The following USP3 variants were observed in gnomAD, a reference collection of about 807,000 sequenced individuals.
USP3 encodes the protein ubiquitin carboxyl-terminal hydrolase 3.
USP3 carries 20 observed loss-of-function variants against 72.3 expected under a neutral mutation model. The ratio of observed to expected loss-of-function variants is 0.28; its 90% CI spans 0.19 to 0.40. USP3 has a LOEUF of 0.40. USP3 is among the 10% of genes least tolerant of loss of function. USP3 has a pLI of 1.00. For synonymous variants in USP3, 222 were observed against 225.3 expected (o/e 0.99, Z 0.13); for missense variants, 479 against 633.9 (o/e 0.76, Z 2.62).
At chr15:63,517,594 T>G (rs1173261184) in intron 1 of USP3, among the ~76,000 whole-genome samples, 1 of 152,206 alleles carries the variant, frequency 6.6e-6, no homozygotes, top group Non-Finnish European at 1.5e-5. Flanking sequence ...GTCACCTTCA[T>G]TGGAGGAAGA....
intron 7 of USP3, 40 bp downstream of exon 7, chr15:63,560,010 A>C: frequency 6.4e-7 from 1 of 1,554,940 alleles, no homozygotes; most frequent in Non-Finnish European, 8.8e-7. Flanking sequence ...TTTGAGTTAC[A>C]AAACAAATTA....
Position 63,514,231 on chromosome 15 carries a change from A to G in USP3, c.91+9401A>G, listed in dbSNP as rs190318965. Reference sequence around the variant, plus strand: ...TTTTTTAGAGCCTCATTTAAAAAATATATGTATTTCTAGTTTTTTTCTTCG... The same window carrying G: ...TTTTTTAGAGCCTCATTTAAAAAATGTATGTATTTCTAGTTTTTTTCTTCG... On this transcript the variant is annotated intron_variant, in intron 1 of 14. Transcript: ENST00000380324. Among the ~76,000 whole-genome samples, 145 of 152,220 alleles carry G rather than the reference A, an allele frequency of 9.5e-4. 1 individual carries two copies. The highest frequency in any genetic ancestry group is 3.4e-3 in the African/African-American group (141 of 41,540).
intron 1 of USP3, among the ~76,000 whole-genome samples, chr15:63,508,518 T>C (rs1489799762): frequency 6.6e-6 from 1 of 152,186 alleles, no homozygotes; most frequent in Non-Finnish European, 1.5e-5. Context: ...TAAAGGCTGA[T>C]TTATGTCTAA....
At chr15:63,586,148 T>G (rs1386992131) in intron 11 of USP3, among the ~76,000 whole-genome samples, 1 of 152,206 alleles carries the variant, frequency 6.6e-6, no homozygotes, top group East Asian at 1.9e-4. Flanking sequence ...TAATTATACT[T>G]TTTCCTTTTC....
chr15:63,542,527 A>C (rs535488764), intron 3 of USP3, among the ~76,000 whole-genome samples: 2 of 152,184 alleles, frequency 1.3e-5, no homozygotes, highest in East Asian at 3.9e-4. Flanking sequence ...TATCAAAAAG[A>C]AAAATTATAT....
chr15:63,537,300 T>TCCTCC, intron 3 of USP3, 144 bp downstream of exon 3: 2 of 944,614 alleles, frequency 2.1e-6, no homozygotes, highest in South Asian at 5.6e-5. Context: ...CTGGAGCCAT[T>TCCTCC]GGGAACGCCT....
chr15:63,522,003 G>A (rs1231981014), intron 1 of USP3, among the ~76,000 whole-genome samples: 2 of 152,118 alleles, frequency 1.3e-5, no homozygotes, highest in Admixed American at 6.5e-5. Context: ...GTGCAGTGGC[G>A]CTATCTTAGC....
chr15:63,563,454 G>T (rs2066639878), intron 8 of USP3, among the ~76,000 whole-genome samples: 1 of 152,200 alleles, frequency 6.6e-6, no homozygotes, highest in South Asian at 2.1e-4. Flanking sequence ...GTGGTCAAGC[G>T]CCTGGGATGC....
intron 11 of USP3, among the ~76,000 whole-genome samples, chr15:63,582,339 A>C (rs1376082278): frequency 5.9e-5 from 9 of 151,974 alleles, no homozygotes; most frequent in African/African-American, 2.4e-5. Flanking sequence ...TCTTAGGGGA[A>C]CTCCCCAGGA....
At chr15:63,531,943 G>A (rs370622161) in intron 1 of USP3, among the ~76,000 whole-genome samples, 36 of 152,244 alleles carry the variant, frequency 2.4e-4, no homozygotes, top group Middle Eastern at 3.4e-3. Flanking sequence ...AAGCTTTCCA[G>A]GTGATTTTGA....
intron 3 of USP3, among the ~76,000 whole-genome samples, chr15:63,549,962 A>C (rs915457576): frequency 1.3e-5 from 2 of 152,236 alleles, no homozygotes; most frequent in African/African-American, 4.8e-5. Context: ...TTCTTTTAAC[A>C]GTTCCATAAA....
At chr15:63,507,203 C>T (rs943721425) in intron 1 of USP3, among the ~76,000 whole-genome samples, 4 of 151,968 alleles carry the variant, frequency 2.6e-5, no homozygotes, top group African/African-American at 7.3e-5. Context: ...GGGGAAAATC[C>T]CTGTTTTGGC....
chr15:63,570,551 A>G lies in USP3; in HGVS notation c.880A>G (p.Thr294Ala), dbSNP rs1418876745. The change falls in exon 9 of 15, where the codon ACT (threonine) becomes GCT (alanine). Residue 294 changes from threonine to alanine, a missense_variant. Coordinates refer to ENST00000380324, the MANE Select transcript of USP3 (RefSeq NM_006537.4). This position sits in a 1 kb window ranked among gnomAD's most constrained non-coding sequence, Gnocchi z 4.4. ...CTCAGCAATTCTGCAGGAGAATTCT[A>G]CTCTGTCTGCAAGTAACAAGTGTTG... is the stretch of plus-strand genomic sequence containing the variant. ...SRSAILQENS[T>A]LSASNKCCIN... 6.2e-7 allele frequency: 1 copy of G among 1,613,912 alleles called. No individual in the cohort carries two copies. Among genetic ancestry groups the G allele is most frequent in the Non-Finnish European group, 8.5e-7 (1 of 1,179,904 alleles).
chr15:63,593,010 C>T lies in USP3; in HGVS notation c.*2184C>T, dbSNP rs1051153821. On this transcript the variant is annotated 3_prime_UTR_variant, in exon 15 of 15. Transcript: ENST00000380324. ...GTGACTGAAATTTAAATTAGAAACT[C>T]AGTGCCTTCAGTCACACTAGCCACA... The T allele has an allele frequency of 1.3e-5, 2 of 152,162 alleles. No homozygotes were observed. Among genetic ancestry groups the T allele is most frequent in the Non-Finnish European group, 2.9e-5 (2 of 68,036 alleles). The allele number at this position is 152,162 out of a possible 1,614,324, so 9.4% of individuals were successfully genotyped here. A position where few individuals can be genotyped will look rare whatever the true frequency, so the allele number is the denominator to read the frequency against.
Position 63,510,179 on chromosome 15 carries a change from T to A in USP3, c.91+5349T>A, listed in dbSNP as rs115282947. ...TTCAAGCTAGATTTAGAAATACTTATGTTTTTATAGTGTTTGCAGCTCAGT... is the reference window on the plus strand; with the variant it reads ...TTCAAGCTAGATTTAGAAATACTTAAGTTTTTATAGTGTTTGCAGCTCAGT... On this transcript the variant is annotated intron_variant, in intron 1 of 14. Coordinates refer to ENST00000380324, the MANE Select transcript of USP3 (RefSeq NM_006537.4). Among the ~76,000 whole-genome samples the A allele has an allele frequency of 8.9e-4, 136 of 152,322 alleles. 1 individual carries two copies. The highest frequency in any genetic ancestry group is 3.0e-3 in the African/African-American group (125 of 41,574).
At chr15:63,546,791 G>A (rs2066335362) in intron 3 of USP3, among the ~76,000 whole-genome samples, 1 of 152,104 alleles carries the variant, frequency 6.6e-6, no homozygotes, top group Non-Finnish European at 1.5e-5. Context: ...GGTATTTTTA[G>A]TAGAGACGGG....
At chr15:63,568,380 C>CAGTTATTT (rs1377980191) in intron 8 of USP3, among the ~76,000 whole-genome samples, 6 of 151,658 alleles carry the variant, frequency 4.0e-5, no homozygotes, top group African/African-American at 1.5e-4. Flanking sequence ...AAATTGGAGC[C>CAGTTATTT]AGTTATTTGC....
At chr15:63,550,418 A>G (rs1419805935) in intron 3 of USP3, among the ~76,000 whole-genome samples, 1 of 152,216 alleles carries the variant, frequency 6.6e-6, no homozygotes, top group Admixed American at 6.5e-5. Flanking sequence ...AATAAATCCA[A>G]CAAATACTGA....
intron 8 of USP3, among the ~76,000 whole-genome samples, chr15:63,568,982 G>GT (rs1200164074): frequency 6.6e-6 from 1 of 152,154 alleles, no homozygotes; most frequent in Non-Finnish European, 1.5e-5. Context: ...GAGGCACATT[G>GT]TTTTTTAAAA....
Sources: allele counts gnomAD v4.1 joint callset (sites outside exome capture counted in the v4.1 genomes callset), GRCh38; gene constraint gnomAD v4.1.1; non-coding constraint Gnocchi (gnomAD v3.1); transcripts MANE v1.5; gene names NCBI Gene and HGNC (gene_info 2026-07-23, HGNC 2026-07-21).